Variants in ADAMTS19 observed in about 807,000 individuals in gnomAD.
ADAMTS19 encodes the protein A disintegrin and metalloproteinase with thrombospondin motifs 19.
Under a neutral mutation model 153.3 loss-of-function variants are expected in ADAMTS19, and 93 were observed. That is an observed-to-expected ratio of 0.61 (90% confidence interval 0.51 to 0.72). The LOEUF is 0.72. Ranked by LOEUF, ADAMTS19 falls within the 30% of genes least tolerant of loss-of-function variation. ADAMTS19 has a pLI of 0.00. For synonymous variants in ADAMTS19, 600 were observed against 556.6 expected (o/e 1.08, Z -1.10); for missense variants, 1,482 against 1,552.1 (o/e 0.95, Z 0.76).
chr5:129,640,929 A>G (rs927808251), intron 10 of ADAMTS19, among the ~76,000 whole-genome samples: 1 of 152,024 alleles, frequency 6.6e-6, no homozygotes, highest in Non-Finnish European at 1.5e-5. Flanking sequence ...GGTTCAAGCA[A>G]TTCTCGTGCC....
At chr5:129,529,625 G>A (rs1044771032) in intron 6 of ADAMTS19, among the ~76,000 whole-genome samples, 1 of 152,182 alleles carries the variant, frequency 6.6e-6, no homozygotes, top group Non-Finnish European at 1.5e-5. Context: ...AAACATCGCA[G>A]TCAACCCAGC....
intron 8 of ADAMTS19, among the ~76,000 whole-genome samples, chr5:129,616,110 T>C (rs938048342): frequency 5.9e-5 from 9 of 151,984 alleles, no homozygotes; most frequent in Non-Finnish European, 1.3e-4. Flanking sequence ...TAGGTTTCAT[T>C]GTTTGTGCAA....
intron 7 of ADAMTS19, among the ~76,000 whole-genome samples, chr5:129,581,818 GT>G (rs1749530002): frequency 6.6e-6 from 1 of 152,008 alleles, no homozygotes; most frequent in Non-Finnish European, 1.5e-5. Flanking sequence ...GTTCTCATTG[GT>G]TTTAAATAAC....
chr5:129,483,188 A>C (rs547105096), intron 2 of ADAMTS19, among the ~76,000 whole-genome samples: 2 of 152,286 alleles, frequency 1.3e-5, no homozygotes, highest in Non-Finnish European at 2.9e-5. Context: ...AGAACACAAT[A>C]ATTTATCTAG....
At chr5:129,637,958 C>T (rs1752607410) in intron 10 of ADAMTS19, among the ~76,000 whole-genome samples, 1 of 151,908 alleles carries the variant, frequency 6.6e-6, no homozygotes, top group African/African-American at 2.4e-5. Context: ...GACCCTGGGG[C>T]CTACTTGAAT....
chr5:129,526,184 T>C (rs1252589450), intron 3 of ADAMTS19, 100 bp from the exon 4 acceptor site: 2 of 968,628 alleles, frequency 2.1e-6, no homozygotes. Context: ...ATTTTATGTG[T>C]GTCGGGAACT....
intron 16 of ADAMTS19, among the ~76,000 whole-genome samples, chr5:129,674,854 T>G (rs1200658981): frequency 6.6e-6 from 1 of 152,172 alleles, no homozygotes; most frequent in Non-Finnish European, 1.5e-5. Flanking sequence ...CTTCCTTCCT[T>G]CCTTCACATA....
chr5:129,658,828 T>C, intron 15 of ADAMTS19, 91 bp downstream of exon 15: 1 of 1,346,176 alleles, frequency 7.4e-7, no homozygotes, highest in Non-Finnish European at 9.9e-7. Context: ...ATTATAGTTC[T>C]AATTCTATTG....
chr5:129,500,138 T>G (rs979964533), intron 2 of ADAMTS19, among the ~76,000 whole-genome samples: 34 of 152,248 alleles, frequency 2.2e-4, no homozygotes, highest in African/African-American at 6.7e-4. Context: ...CACATAAAGT[T>G]AAAATGAATC....
intron 21 of ADAMTS19, among the ~76,000 whole-genome samples, chr5:129,732,374 A>G (rs1757476109): frequency 6.6e-6 from 1 of 152,084 alleles, no homozygotes; most frequent in South Asian, 2.1e-4. Flanking sequence ...TTAAAAGGGG[A>G]AGTCAAATTA....
chr5:129,690,105 GTATTGACCATGCATCCAC>G (rs1292688749), intron 18 of ADAMTS19, among the ~76,000 whole-genome samples: 2 of 151,238 alleles, frequency 1.3e-5, no homozygotes, highest in African/African-American at 4.8e-5. Context: ...TCCTTTACCA[GTATTGACCATGCATCCAC>G]TATTGCTAGG....
chr5:129,527,074 G>A (rs1055416446), intron 4 of ADAMTS19, among the ~76,000 whole-genome samples: 7 of 151,692 alleles, frequency 4.6e-5, no homozygotes, highest in African/African-American at 1.7e-4. Flanking sequence ...AATCACAGGT[G>A]GCCTACTGGA....
chr5:129,605,394 C>T (rs1549173), intron 8 of ADAMTS19, among the ~76,000 whole-genome samples: 77,640 of 151,972 alleles, frequency 0.51, 22,929 homozygotes, highest in Non-Finnish European at 0.66. Flanking sequence ...AAAAGACTAA[C>T]AGTCACTTTG....
At chr5:129,628,212 A>G (rs1752141122) in intron 10 of ADAMTS19, among the ~76,000 whole-genome samples, 1 of 152,118 alleles carries the variant, frequency 6.6e-6, no homozygotes, top group South Asian at 2.1e-4. Context: ...CAAAAAACCA[A>G]ATACCATTTG....
chr5:129,695,335 A>G (rs1371813271), intron 19 of ADAMTS19, among the ~76,000 whole-genome samples: 1 of 152,072 alleles, frequency 6.6e-6, no homozygotes, highest in African/African-American at 2.4e-5. Flanking sequence ...AAACTGCCCA[A>G]TCCCTGATCT....
chr5:129,652,934 A>G (rs1222957443), intron 13 of ADAMTS19, among the ~76,000 whole-genome samples: 1 of 152,162 alleles, frequency 6.6e-6, no homozygotes, highest in African/African-American at 2.4e-5. Flanking sequence ...GTGAGAGCAC[A>G]CGGAAATGCT....
At chr5:129,469,817 A>C (rs1750001099) in intron 2 of ADAMTS19, among the ~76,000 whole-genome samples, 1 of 152,178 alleles carries the variant, frequency 6.6e-6, no homozygotes, top group Non-Finnish European at 1.5e-5. Context: ...CTTATTAATA[A>C]AATAACTGGT....
intron 22 of ADAMTS19, among the ~76,000 whole-genome samples, chr5:129,735,969 A>G (rs1188198831): frequency 6.6e-6 from 1 of 152,042 alleles, no homozygotes; most frequent in Non-Finnish European, 1.5e-5. Flanking sequence ...AAGAAGATAA[A>G]TTATCATGTG....
intron 7 of ADAMTS19, among the ~76,000 whole-genome samples, chr5:129,564,069 G>T (rs1344108081): frequency 6.6e-6 from 1 of 152,082 alleles, no homozygotes; most frequent in Non-Finnish European, 1.5e-5. Context: ...ACAGGCATGT[G>T]CCACCATGCC....
Sources: allele counts gnomAD v4.1 joint callset (sites outside exome capture counted in the v4.1 genomes callset), GRCh38; gene constraint gnomAD v4.1.1; transcripts MANE v1.5; gene names NCBI Gene and HGNC (gene_info 2026-07-23, HGNC 2026-07-21).